The following CDH6 variants were observed in gnomAD, a reference collection of about 807,000 sequenced individuals.
The protein encoded by CDH6 is cadherin 6, also known as cadherin-6.
In CDH6, 31 loss-of-function variants were observed where a neutral mutation model predicts 78.0. That is an observed-to-expected ratio of 0.40 (90% CI 0.30 to 0.54). The LOEUF is 0.54. Ranked by LOEUF, CDH6 falls within the 20% of genes least tolerant of loss-of-function variation. The pLI, the probability that CDH6 is intolerant of heterozygous loss-of-function variation, is 0.56. For synonymous variants in CDH6, 376 were observed against 368.8 expected, an observed-to-expected ratio of 1.02 and a Z score of -0.23; for missense variants, 724 against 975.9, an observed-to-expected ratio of 0.74 and a Z score of 3.44.
intron 1 of CDH6, among the ~76,000 whole-genome samples, chr5:31,217,760 GT>G (rs776046193): frequency 1.3e-5 from 2 of 152,122 alleles, no homozygotes; most frequent in Non-Finnish European, 2.9e-5. Context: ...GCCTCTAGGA[GT>G]AAGAGAATAA....
intron 7 of CDH6, among the ~76,000 whole-genome samples, chr5:31,313,085 T>C (rs1438565035): frequency 6.6e-6 from 1 of 152,160 alleles, no homozygotes; most frequent in Non-Finnish European, 1.5e-5. Flanking sequence ...TTCAAAGTCA[T>C]GCAACTTGTC....
chr5:31,260,219 C>T (rs1000299943), intron 1 of CDH6, among the ~76,000 whole-genome samples: 5 of 152,164 alleles, frequency 3.3e-5, no homozygotes, highest in African/African-American at 7.2e-5. Flanking sequence ...CACAGCTATC[C>T]TATGAGGTAG....
chr5:31,226,025 T>C (rs187225208), intron 1 of CDH6, among the ~76,000 whole-genome samples: 54 of 152,196 alleles, frequency 3.5e-4, no homozygotes, highest in African/African-American at 1.3e-3. Context: ...CCCTGGTCCT[T>C]TGCTGCCCTA....
At chr5:31,265,776 T>G (rs895406924) in intron 1 of CDH6, among the ~76,000 whole-genome samples, 7 of 133,436 alleles carry the variant, frequency 5.2e-5, no homozygotes, top group Non-Finnish European at 9.6e-5. Context: ...AATGTTTTTT[T>G]TTTTTTTTTT....
intron 1 of CDH6, among the ~76,000 whole-genome samples, chr5:31,245,155 T>G (rs915159025): frequency 3.3e-5 from 5 of 152,110 alleles, no homozygotes; most frequent in Non-Finnish European, 7.4e-5. Flanking sequence ...CAAGCTGAGT[T>G]TGGAGGTTTG....
At chr5:31,318,910 C>T (rs914050745) in intron 11 of CDH6, 4 of 225,034 alleles carry the variant, frequency 1.8e-5, no homozygotes, top group Non-Finnish European at 2.7e-5. Context: ...TCACGCTCCA[C>T]ATCAACCCTG....
At chr5:31,203,669 C>G (rs1740434251) in intron 1 of CDH6, among the ~76,000 whole-genome samples, 1 of 151,720 alleles carries the variant, frequency 6.6e-6, no homozygotes, top group South Asian at 2.1e-4. Context: ...TGGGTTGGTT[C>G]CAAGTCTTTG....
At position 31,293,974 on chromosome 5, in the gene CDH6, C is replaced by A. The variant is rs1737499527; in HGVS notation, c.241C>A (p.Gln81Lys). The change falls in exon 3 of 12, where the codon CAG becomes AAG. Residue 81 changes from glutamine (Q) to lysine (K), a missense_variant. Transcript: ENST00000265071. ...YQYVGKLHSD[Q>K]DRGDGSLKYI... Reference sequence around the variant, plus strand: ...TTTTCTACACTAGTTACATTCAGACCAGGATAGAGGAGATGGATCACTTAA... The same window carrying A: ...TTTTCTACACTAGTTACATTCAGACAAGGATAGAGGAGATGGATCACTTAA... 6.3e-7 allele frequency: 1 copy of A among 1,590,764 alleles called. No homozygotes were observed. The highest frequency in any genetic ancestry group is 8.6e-7 in the Non-Finnish European group (1 of 1,168,946).
intron 1 of CDH6, among the ~76,000 whole-genome samples, chr5:31,215,487 G>C (rs1740836737): frequency 6.6e-6 from 1 of 152,112 alleles, no homozygotes; most frequent in African/African-American, 2.4e-5. Flanking sequence ...ATATAACTCT[G>C]ATAAAGTTAG....
intron 7 of CDH6, among the ~76,000 whole-genome samples, chr5:31,312,115 C>A (rs1738174899): frequency 6.6e-6 from 1 of 152,172 alleles, no homozygotes; most frequent in South Asian, 2.1e-4. Context: ...GTAAGTGATT[C>A]TGTCTTTAGT....
intron 1 of CDH6, among the ~76,000 whole-genome samples, chr5:31,198,336 T>C (rs781291054): frequency 1.3e-5 from 2 of 152,208 alleles, no homozygotes; most frequent in Non-Finnish European, 2.9e-5. Context: ...TTATGATTTA[T>C]AAGAGGTAGA....
At chr5:31,319,757 T>G (rs958016310) in intron 11 of CDH6, among the ~76,000 whole-genome samples, 4 of 152,106 alleles carry the variant, frequency 2.6e-5, no homozygotes, top group African/African-American at 9.7e-5. Flanking sequence ...GTCCAGAAAG[T>G]GGATCATATG....
intron 2 of CDH6, among the ~76,000 whole-genome samples, chr5:31,273,237 C>T (rs1220231786): frequency 1.3e-5 from 2 of 152,108 alleles, no homozygotes; most frequent in Non-Finnish European, 2.9e-5. Flanking sequence ...AATTCTTACA[C>T]TAATTTTTTT....
chr5:31,312,909 G>A (rs1407778924), intron 7 of CDH6, among the ~76,000 whole-genome samples: 1 of 147,108 alleles, frequency 6.8e-6, no homozygotes, highest in African/African-American at 2.5e-5. Context: ...TAAATGGAAA[G>A]TAGAAAAATA....
chr5:31,209,366 A>G (rs1415406884), intron 1 of CDH6, among the ~76,000 whole-genome samples: 2 of 152,178 alleles, frequency 1.3e-5, no homozygotes, highest in Admixed American at 6.5e-5. Flanking sequence ...AAGCCTTCCA[A>G]TCAGTAACCT....
At chr5:31,275,846 T>A (rs1742674713) in intron 2 of CDH6, among the ~76,000 whole-genome samples, 1 of 152,222 alleles carries the variant, frequency 6.6e-6, no homozygotes. Context: ...GTAACCAGAA[T>A]TATACATTTA....
chr5:31,316,627 T>C (rs1056428188), intron 9 of CDH6, among the ~76,000 whole-genome samples: 1 of 152,246 alleles, frequency 6.6e-6, no homozygotes, highest in African/African-American at 2.4e-5. Context: ...TTAATTACCA[T>C]ATGTACTTGA....
intron 2 of CDH6, among the ~76,000 whole-genome samples, chr5:31,278,747 A>C (rs181894799): frequency 2.6e-5 from 4 of 152,196 alleles, no homozygotes; most frequent in African/African-American, 9.6e-5. Flanking sequence ...AACCAACTAT[A>C]TATCTTTTAA....
chr5:31,259,937 G>T (rs1742168482), intron 1 of CDH6, among the ~76,000 whole-genome samples: 1 of 152,174 alleles, frequency 6.6e-6, no homozygotes, highest in Admixed American at 6.5e-5. Context: ...TGTGGGAGCA[G>T]CTCCCTCCAC....
Sources: allele counts gnomAD v4.1 joint callset (sites outside exome capture counted in the v4.1 genomes callset), GRCh38; gene constraint gnomAD v4.1.1; transcripts MANE v1.5; gene names NCBI Gene and HGNC (gene_info 2026-07-23, HGNC 2026-07-21).